The following SLC22A23 variants were observed in gnomAD, a reference collection of about 807,000 sequenced individuals.
SLC22A23 encodes ion transporter protein.
SLC22A23 carries 26 observed loss-of-function variants against 61.0 expected under a neutral mutation model. That is an observed-to-expected ratio of 0.43 (90% CI 0.31 to 0.59). The LOEUF (loss-of-function observed/expected upper bound fraction) is 0.59. SLC22A23 is among the 20% of genes least tolerant of loss of function. The pLI is 0.11. For synonymous variants in SLC22A23, 430 were observed against 413.9 expected, an observed-to-expected ratio of 1.04 and a Z score of -0.47; for missense variants, 796 against 934.7, an observed-to-expected ratio of 0.85 and a Z score of 1.94.
Position 3,290,002 on chromosome 6 carries a change from T to G in SLC22A23, c.1211-136A>C, listed in dbSNP as rs540029907. On this transcript the variant is annotated intron_variant, in intron 5 of 9. Transcript: ENST00000406686. ...GAAGCTTTTTTTTTTTTTTTTTTTT[T>G]GCCAGTGGATAGGGTCTAGGTTTCC... 5.0e-3 allele frequency: 3,221 copies of G among 650,376 alleles called. 13 individuals carry two copies. Among genetic ancestry groups the G allele is most frequent in the Middle Eastern group, 0.033 (110 of 3,338 alleles). 40.3% of individuals were successfully genotyped at this position (650,376 alleles called of 1,614,324 possible). A position where few individuals can be genotyped will look rare whatever the true frequency, so the allele number is the denominator to read the frequency against.
Position 3,321,013 on chromosome 6 carries a change from C to T in SLC22A23, c.1082+2821G>A, listed in dbSNP as rs1762914933. Among the ~76,000 whole-genome samples the T allele has an allele frequency of 2.0e-5, 3 of 152,262 alleles. No individual in the cohort carries two copies. In the South Asian group the frequency reaches 6.2e-4, roughly 32 times the overall value. ...CATTAATTCACTGATTCCTCCCAAC[C>T]CCATTATTGACCACAATGACGCACA... On this transcript the variant is annotated intron_variant, in intron 4 of 9. Coordinates refer to ENST00000406686, the MANE Select transcript of SLC22A23 (RefSeq NM_015482.2).
rs764687839 is a variant in SLC22A23 at position 3,286,967 on chromosome 6, A to G, written c.1438T>C (p.Cys480Arg). The G allele has an allele frequency of 5.0e-6, 8 of 1,614,018 alleles. No individual in the cohort carries two copies. In the African/African-American group the frequency reaches 1.1e-4, roughly 22 times the overall value. The change falls in exon 7 of 10, where the codon TGC (cysteine) becomes CGC (arginine). Residue 480 changes from cysteine (C) to arginine (R), a missense_variant. Physicochemically the swap from Cys to Arg is radical, Grantham distance 180. Coordinates refer to ENST00000406686, the MANE Select transcript of SLC22A23 (RefSeq NM_015482.2). This position sits in a 1 kb window ranked among gnomAD's most constrained non-coding sequence, Gnocchi z 4.2. The stretch of plus-strand genomic sequence containing the variant: ...CGGACCACCACGCACATGGCCAGGC[A>G]GGACACCAGCGCGATGCTGGCCGTG... Reference protein sequence around the residue: ...YTTASIALVSCLAMCVVVRFL... With the variant: ...YTTASIALVSRLAMCVVVRFL...
At chr6:3,445,439 ATC>A (rs1209186491) in intron 1 of SLC22A23, among the ~76,000 whole-genome samples, 1 of 152,180 alleles carries the variant, frequency 6.6e-6, no homozygotes, top group East Asian at 1.9e-4. Flanking sequence ...ACCTCAGGGG[ATC>A]CACCTGCCTC....
At chr6:3,447,886 CCT>C (rs201770341) in intron 1 of SLC22A23, among the ~76,000 whole-genome samples, 3,459 of 123,000 alleles carry the variant, frequency 0.028, 947 homozygotes, top group Middle Eastern at 0.08. Context: ...CCATGCCTGG[CCT>C]CTCTCTCTCT....
intron 3 of SLC22A23, among the ~76,000 whole-genome samples, chr6:3,374,043 CA>C (rs1357299346): frequency 2.6e-5 from 4 of 152,222 alleles, no homozygotes; most frequent in Non-Finnish European, 4.4e-5. Flanking sequence ...GGCTAGTTAT[CA>C]GCAACACATC....
Position 3,297,576 on chromosome 6 carries a change from T to TGG in SLC22A23, c.1210+513_1210+514dup, listed in dbSNP as rs1283167800. 6.6e-6 allele frequency among the ~76,000 whole-genome samples: 1 copy of TGG among 152,188 alleles called. No individual in the cohort carries two copies. The highest frequency in any genetic ancestry group is 1.5e-5 in the Non-Finnish European group (1 of 68,030). ...CAGGTTGAGAACCCCCACCTAGCTG[T>TGG]GGTAACGCTCCTGACACGCAGGAAT... On this transcript the variant is annotated intron_variant, in intron 5 of 9. Transcript: ENST00000406686. This position sits in a 1 kb window ranked among gnomAD's most constrained non-coding sequence, Gnocchi z 4.3.
At chr6:3,428,217 C>T (rs931742695) in intron 1 of SLC22A23, among the ~76,000 whole-genome samples, 3 of 152,194 alleles carry the variant, frequency 2.0e-5, no homozygotes, top group Admixed American at 1.3e-4. Flanking sequence ...GCAAAGCTGC[C>T]CAAGTCGCGG....
chr6:3,323,323 G>A (rs1763072825), intron 4 of SLC22A23: 1 of 456,490 alleles, frequency 2.2e-6, no homozygotes, highest in Non-Finnish European at 4.4e-6. Flanking sequence ...TAATACCTAT[G>A]TAAACACACG....
chr6:3,325,150 C>G lies in SLC22A23; in HGVS notation c.914-1148G>C, dbSNP rs112075880. 3.1e-3 allele frequency among the ~76,000 whole-genome samples: 473 copies of G among 152,144 alleles called. 1 individual carries two copies. Among genetic ancestry groups the G allele is most frequent in the African/African-American group, 0.011 (436 of 41,486 alleles). On this transcript the variant is annotated intron_variant, in intron 3 of 9. Transcript: ENST00000406686. ...GAAGAAGAAGAGGAAGAAGACAGACCCTTCGGAGAGAACACTTTTTATGCC... is the reference window on the plus strand; with the variant it reads ...GAAGAAGAAGAGGAAGAAGACAGACGCTTCGGAGAGAACACTTTTTATGCC...
rs955909225 is a variant in SLC22A23 at position 3,427,144 on chromosome 6, G to A, written c.655-11289C>T. On this transcript the variant is annotated intron_variant, in intron 1 of 9. Transcript: ENST00000406686. This position sits in a 1 kb window ranked among gnomAD's most constrained non-coding sequence, Gnocchi z 4.3. ...GGTCATCAGGGCAAGCTTTTTCACC[G>A]TGTGGGGGCTCAGTTTTAACATCTA... Among the ~76,000 whole-genome samples the A allele has an allele frequency of 3.9e-5, 6 of 152,120 alleles. No individual in the cohort carries two copies. The highest frequency in any genetic ancestry group is 9.7e-5 in the African/African-American group (4 of 41,408).
chr6:3,292,945 A>G (rs993184490), intron 5 of SLC22A23, among the ~76,000 whole-genome samples: 19 of 152,176 alleles, frequency 1.2e-4, no homozygotes, highest in African/African-American at 4.6e-4. Flanking sequence ...GGAGGCCCTG[A>G]TGACCCTGCT....
intron 3 of SLC22A23, among the ~76,000 whole-genome samples, chr6:3,336,902 T>TCCTCCCACTTCAG (rs1763890716): frequency 6.6e-6 from 1 of 150,938 alleles, no homozygotes; most frequent in Non-Finnish European, 1.5e-5. Context: ...GCTCCAGTGG[T>TCCTCCCACTTCAG]CCTCCCACTT....
intron 4 of SLC22A23, among the ~76,000 whole-genome samples, chr6:3,298,560 T>G (rs1357205990): frequency 6.6e-6 from 1 of 151,154 alleles, no homozygotes; most frequent in Non-Finnish European, 1.5e-5. Context: ...TAGGGAGAGG[T>G]TGGTTGAAGG....
chr6:3,401,024 T>A (rs1768350327), intron 3 of SLC22A23, among the ~76,000 whole-genome samples: 1 of 152,146 alleles, frequency 6.6e-6, no homozygotes, highest in Non-Finnish European at 1.5e-5. Flanking sequence ...TGGAAATATA[T>A]CACTAAATTG....
intron 3 of SLC22A23, among the ~76,000 whole-genome samples, chr6:3,405,491 G>T (rs766186648): frequency 6.6e-6 from 1 of 152,220 alleles, no homozygotes; most frequent in East Asian, 1.9e-4. Flanking sequence ...CCCAAATGCA[G>T]AGCAAATGTT....
rs866533844 is a variant in SLC22A23 at position 3,404,988 on chromosome 6, C to T, written c.913+5200G>A. Among the ~76,000 whole-genome samples the T allele has an allele frequency of 5.9e-5, 9 of 151,608 alleles. No homozygotes were observed. The South Asian group carries it at 6.3e-4, about 11-fold the overall frequency. ...AAAAAAAAGATTTGTCGGCCAGGTG[C>T]GGTGGCTCATGCCTGTAATCCTGGC... On this transcript the variant is annotated intron_variant, in intron 3 of 9. Transcript: ENST00000406686.
At chr6:3,278,862 G>A (rs1235222075) in intron 9 of SLC22A23, among the ~76,000 whole-genome samples, 4 of 152,074 alleles carry the variant, frequency 2.6e-5, no homozygotes, top group African/African-American at 4.8e-5. Flanking sequence ...TGACCTTCCC[G>A]GCACTAAATG....
chr6:3,439,234 G>A, intron 1 of SLC22A23: 1 of 402,944 alleles, frequency 2.5e-6, no homozygotes, highest in Non-Finnish European at 4.9e-6. Context: ...CCCCAAAGGT[G>A]TGACAACAAC....
chr6:3,306,475 TC>T (rs1175459724), intron 4 of SLC22A23, among the ~76,000 whole-genome samples: 8 of 152,316 alleles, frequency 5.3e-5, no homozygotes, highest in Admixed American at 3.9e-4. Context: ...ACTATCATTA[TC>T]CCCATTTTAC....
Sources: gnomAD v4.1 joint callset for allele counts (sites outside exome capture counted in the v4.1 genomes callset) on GRCh38, gnomAD v4.1.1 for gene constraint, Gnocchi (gnomAD v3.1) non-coding constraint, MANE v1.5 for transcripts, NCBI Gene and HGNC (gene_info 2026-07-23, HGNC 2026-07-21) for gene names.